The following SYN3 variants were observed in gnomAD, a reference collection of about 807,000 sequenced individuals.
SYN3 encodes synapsin III, also known as synapsin-3.
A neutral mutation model predicts 65.8 loss-of-function variants in SYN3; 35 were observed. The observed-to-expected ratio is 0.53, with a 90% CI of 0.41 to 0.70. SYN3 has a LOEUF of 0.70. Among genes scored for constraint, SYN3 ranks in the 30% least tolerant of loss-of-function variants. SYN3 has a pLI of 0.00. For synonymous variants in SYN3, 270 were observed against 292.9 expected, an observed-to-expected ratio of 0.92 and a Z score of 0.80; for missense variants, 680 against 749.0, an observed-to-expected ratio of 0.91 and a Z score of 1.08.
intron 6 of SYN3, among the ~76,000 whole-genome samples, chr22:32,748,299 A>G (rs1305611351): frequency 6.6e-6 from 1 of 152,144 alleles, no homozygotes; most frequent in Non-Finnish European, 1.5e-5. Flanking sequence ...AGAGCATGGG[A>G]TTTGGGGTCA....
intron 4 of SYN3, among the ~76,000 whole-genome samples, chr22:32,905,978 T>C (rs2049891078): frequency 6.6e-6 from 1 of 152,106 alleles, no homozygotes; most frequent in Admixed American, 6.5e-5. Flanking sequence ...GAGCCCTGGA[T>C]ATTCTAACTG....
intron 6 of SYN3, among the ~76,000 whole-genome samples, chr22:32,699,293 A>T (rs2060780169): frequency 6.6e-6 from 1 of 152,186 alleles, no homozygotes; most frequent in Admixed American, 6.5e-5. Context: ...GTTGGTTCTG[A>T]CAACCCAGAC....
intron 6 of SYN3, among the ~76,000 whole-genome samples, chr22:32,783,540 T>C (rs1268969565): frequency 1.3e-5 from 2 of 152,190 alleles, no homozygotes; most frequent in South Asian, 4.1e-4. Flanking sequence ...AGTTTTTACA[T>C]GGTTTTTAAT....
intron 6 of SYN3, among the ~76,000 whole-genome samples, chr22:32,719,747 C>A (rs1569171505): frequency 6.6e-6 from 1 of 152,080 alleles, no homozygotes; most frequent in East Asian, 1.9e-4. Flanking sequence ...ACTCGGGAGG[C>A]TGAGGTGGGA....
At chr22:32,719,486 G>C (rs775764379) in intron 6 of SYN3, among the ~76,000 whole-genome samples, 5 of 152,212 alleles carry the variant, frequency 3.3e-5, no homozygotes, top group Admixed American at 6.5e-5. Context: ...GTGTGTGGCT[G>C]TTCTGTTCAC....
intron 7 of SYN3, among the ~76,000 whole-genome samples, chr22:32,542,418 T>C (rs921591917): frequency 2.0e-5 from 3 of 151,706 alleles, no homozygotes; most frequent in South Asian, 2.1e-4. Context: ...ATGTGTGGTA[T>C]GTTCTTTGTG....
chr22:32,670,547 G>T (rs1012317734), intron 6 of SYN3, among the ~76,000 whole-genome samples: 1 of 152,204 alleles, frequency 6.6e-6, no homozygotes, highest in Non-Finnish European at 1.5e-5. Context: ...CTATCGTTTG[G>T]ATTCAGTCTT....
At chr22:32,988,768 A>G (rs2052609231) in intron 2 of SYN3, among the ~76,000 whole-genome samples, 1 of 152,126 alleles carries the variant, frequency 6.6e-6, no homozygotes, top group Non-Finnish European at 1.5e-5. Flanking sequence ...TGAGTGCAGC[A>G]GGATCTGGAT....
chr22:32,678,148 G>A (rs956376630), intron 6 of SYN3, among the ~76,000 whole-genome samples: 1 of 152,126 alleles, frequency 6.6e-6, no homozygotes, highest in Non-Finnish European at 1.5e-5. Flanking sequence ...GGAGATTCGT[G>A]GCTGAATTCA....
rs79587339 is a variant in SYN3 at position 32,617,045 on chromosome 22, G to A, written c.712-20309C>T. On this transcript the variant is annotated intron_variant, in intron 6 of 13. Coordinates refer to ENST00000358763, the MANE Select transcript of SYN3 (RefSeq NM_003490.4). Reference sequence around the variant, plus strand: ...AGGGAAGGGCTGGCCAAGGCTTCACGTTTAAGAAGGGCCTCAAATAGAGAT... The same window carrying A: ...AGGGAAGGGCTGGCCAAGGCTTCACATTTAAGAAGGGCCTCAAATAGAGAT... Among the ~76,000 whole-genome samples the A allele has an allele frequency of 6.4e-4, 98 of 152,306 alleles. 1 individual carries two copies. The highest frequency in any genetic ancestry group is 1.2e-3 in the Non-Finnish European group (82 of 68,032).
intron 6 of SYN3, among the ~76,000 whole-genome samples, chr22:32,802,791 C>T (rs971261282): frequency 6.6e-6 from 1 of 152,174 alleles, no homozygotes; most frequent in African/African-American, 2.4e-5. Context: ...TGCGAGGGGT[C>T]ACTCACCACA....
intron 6 of SYN3, among the ~76,000 whole-genome samples, chr22:32,677,817 CATA>C (rs1372484551): frequency 2.1e-5 from 3 of 139,810 alleles, no homozygotes; most frequent in Non-Finnish European, 3.3e-5. Context: ...AAAAAATAAT[CATA>C]ATAAAATAAA....
At chr22:33,045,459 CTTTTTTTTTTTTTT>C (rs745442160) in intron 1 of SYN3, among the ~76,000 whole-genome samples, 8 of 84,696 alleles carry the variant, frequency 9.4e-5, no homozygotes, top group Non-Finnish European at 1.9e-4. Flanking sequence ...GCTCTACTTT[CTTTTTTTTTTTTTT>C]TTTTTTTTTT....
chr22:32,787,297 T>G (rs547837447), intron 6 of SYN3, among the ~76,000 whole-genome samples: 1 of 152,122 alleles, frequency 6.6e-6, no homozygotes, highest in African/African-American at 2.4e-5. Context: ...ATCCTCTTGC[T>G]TCAACCTCCC....
intron 6 of SYN3, chr22:32,629,610 T>C (rs541900460): frequency 6.6e-6 from 1 of 152,318 alleles, no homozygotes; most frequent in Non-Finnish European, 1.5e-5. Flanking sequence ...TCTTACTATC[T>C]TTCTTGTCTT....
chr22:32,527,603 G>GAA (rs130455), intron 12 of SYN3: 212 of 175,002 alleles, frequency 1.2e-3, no homozygotes, highest in South Asian at 2.9e-3. Context: ...TGTCTCAAAA[G>GAA]AAAAAAAAAA....
intron 6 of SYN3, among the ~76,000 whole-genome samples, chr22:32,614,816 G>A (rs1015278542): frequency 2.6e-5 from 4 of 152,102 alleles, no homozygotes; most frequent in African/African-American, 7.2e-5. Context: ...ACTCAAGAGC[G>A]GGGCCCCCTC....
At chr22:32,587,416 C>G (rs983085898) in intron 7 of SYN3, among the ~76,000 whole-genome samples, 1 of 152,020 alleles carries the variant, frequency 6.6e-6, no homozygotes, top group South Asian at 2.1e-4. Flanking sequence ...CTGAACACCT[C>G]GTGGGTGGGT....
intron 6 of SYN3, among the ~76,000 whole-genome samples, chr22:32,707,161 T>TAATG (rs2147227214): frequency 6.6e-6 from 1 of 152,240 alleles, no homozygotes; most frequent in South Asian, 2.1e-4. Context: ...CCATGATGGG[T>TAATG]AATGAATGAA....
Sources: allele counts gnomAD v4.1 joint callset (sites outside exome capture counted in the v4.1 genomes callset), GRCh38; gene constraint gnomAD v4.1.1; transcripts MANE v1.5; gene names NCBI Gene and HGNC (gene_info 2026-07-23, HGNC 2026-07-21).